Variants in RTF2 observed in about 807,000 individuals in gnomAD.
RTF2 encodes the protein replication termination factor 2.
RTF2 carries 18 observed loss-of-function variants against 38.0 expected under a neutral mutation model. The observed-to-expected ratio is 0.47, with a 90% CI of 0.33 to 0.70. The LOEUF (loss-of-function observed/expected upper bound fraction) is 0.70, where lower values mean the gene tolerates loss of function less well. RTF2 is among the 30% of genes least tolerant of loss of function. The pLI, the probability that RTF2 is intolerant of heterozygous loss-of-function variation, is 0.02. For missense variants in RTF2, 311 were observed against 379.6 expected (o/e 0.82, Z 1.50); for synonymous variants, 126 against 137.1 (o/e 0.92, Z 0.57).
At chr20:56,515,032 C>T (rs1002407866) in intron 6 of RTF2, among the ~76,000 whole-genome samples, 1 of 147,484 alleles carries the variant, frequency 6.8e-6, no homozygotes, top group Non-Finnish European at 1.5e-5. Flanking sequence ...GACAGACTCC[C>T]TCTAAAAAAA....
At chr20:56,496,952 G>C (rs1166349064) in intron 5 of RTF2, 1 of 1,551,366 alleles carries the variant, frequency 6.4e-7, no homozygotes, top group Admixed American at 2.0e-5. Context: ...TTCTGATGTA[G>C]TGTATGATTT....
At chr20:56,473,702 G>A (rs1395267373) in intron 2 of RTF2, among the ~76,000 whole-genome samples, 2 of 152,038 alleles carry the variant, frequency 1.3e-5, no homozygotes, top group East Asian at 3.9e-4. Flanking sequence ...TGGGCAATGT[G>A]GTGAAACCCC....
chr20:56,486,585 G>A (rs925984328), intron 5 of RTF2, among the ~76,000 whole-genome samples: 19 of 152,122 alleles, frequency 1.2e-4, no homozygotes, highest in African/African-American at 4.3e-4. Context: ...GGAGCTGGAG[G>A]TTACAGTGAC....
intron 3 of RTF2, among the ~76,000 whole-genome samples, chr20:56,475,696 T>A (rs1982204158): frequency 6.6e-6 from 1 of 152,194 alleles, no homozygotes; most frequent in South Asian, 2.1e-4. Context: ...ACATGTAAGA[T>A]GTGCCTCTCT....
chr20:56,479,770 G>A (rs974339760), intron 4 of RTF2, among the ~76,000 whole-genome samples: 1 of 152,006 alleles, frequency 6.6e-6, no homozygotes, highest in African/African-American at 2.4e-5. Flanking sequence ...CAGAGCTCTT[G>A]CGTGACCTAG....
In RTF2 at chr20:56,494,410, T is replaced by G. The variant is rs150162670; in HGVS notation, c.477+10221T>G. On this transcript the variant is annotated intron_variant, in intron 5 of 8. Coordinates refer to ENST00000357348, the MANE Select transcript of RTF2 (RefSeq NM_016407.5). ...TGACTTCTTATACCATGTGCACACCTGAGGGGCTCCTGTTTTCAGGAAGAA... is the reference window on the plus strand; with the variant it reads ...TGACTTCTTATACCATGTGCACACCGGAGGGGCTCCTGTTTTCAGGAAGAA... Among the ~76,000 whole-genome samples, 680 of 152,304 alleles carry G rather than the reference T, an allele frequency of 4.5e-3. 6 individuals are homozygous for G. The highest frequency in any genetic ancestry group is 0.016 in the African/African-American group (652 of 41,570).
chr20:56,473,249 A>C, intron 1 of RTF2, 52 bp from the exon 2 acceptor site: 1 of 1,285,600 alleles, frequency 7.8e-7, no homozygotes. Context: ...AGAATTGTGA[A>C]CCATGTGTCT....
At chr20:56,491,833 T>G (rs369807770) in intron 5 of RTF2, 3 of 1,386,690 alleles carry the variant, frequency 2.2e-6, no homozygotes, top group East Asian at 2.5e-5. Flanking sequence ...CTCACCCATT[T>G]TATTCACACA....
At chr20:56,497,515 C>T in intron 5 of RTF2, 2 of 1,464,918 alleles carry the variant, frequency 1.4e-6, no homozygotes, top group South Asian at 2.4e-5. Flanking sequence ...TCTTCTGATT[C>T]TGCAGGAGTT....
chr20:56,509,990 A>C (rs1054120265), intron 5 of RTF2, among the ~76,000 whole-genome samples: 1 of 133,986 alleles, frequency 7.5e-6, no homozygotes, highest in Non-Finnish European at 1.6e-5. Flanking sequence ...TCCAGTCACA[A>C]AAAAAAAAAA....
At chr20:56,504,566 G>A (rs6127774) in intron 5 of RTF2, among the ~76,000 whole-genome samples, 124,899 of 152,228 alleles carry the variant, frequency 0.82, 51,428 homozygotes, top group East Asian at 0.99. Flanking sequence ...TGTGCTCTGT[G>A]TCGCCCCCAA....
chr20:56,475,593 G>A (rs979092399), intron 3 of RTF2, among the ~76,000 whole-genome samples: 8 of 152,132 alleles, frequency 5.3e-5, no homozygotes, highest in African/African-American at 1.7e-4. Context: ...ATTTATTCCT[G>A]AAAAACCTGT....
intron 5 of RTF2, chr20:56,496,527 G>GC: frequency 8.2e-7 from 1 of 1,222,166 alleles, no homozygotes; most frequent in Non-Finnish European, 1.1e-6. Flanking sequence ...CAGCCTCGGT[G>GC]ACCGTGTGAG....
chr20:56,481,381 G>A (rs1385405339), intron 4 of RTF2, among the ~76,000 whole-genome samples: 1 of 152,192 alleles, frequency 6.6e-6, no homozygotes, highest in African/African-American at 2.4e-5. Context: ...GTCCTGTTCT[G>A]AAATGGAACA....
At chr20:56,477,752 T>C (rs1453368487) in intron 4 of RTF2, among the ~76,000 whole-genome samples, 1 of 152,162 alleles carries the variant, frequency 6.6e-6, no homozygotes, top group Non-Finnish European at 1.5e-5. Context: ...TCCTGGCCTT[T>C]AACGATCCTC....
chr20:56,509,059 A>G (rs1984465837), intron 5 of RTF2, among the ~76,000 whole-genome samples: 2 of 152,246 alleles, frequency 1.3e-5, no homozygotes, highest in African/African-American at 4.8e-5. Context: ...ATCCAGTGTA[A>G]GATATTTTGT....
intron 5 of RTF2, among the ~76,000 whole-genome samples, chr20:56,490,582 A>G (rs1983057554): frequency 6.6e-6 from 1 of 152,238 alleles, no homozygotes; most frequent in Non-Finnish European, 1.5e-5. Flanking sequence ...TGGGAGGCCA[A>G]GGCAGGCGGA....
intron 6 of RTF2, among the ~76,000 whole-genome samples, chr20:56,514,954 G>A (rs1272693635): frequency 6.6e-6 from 1 of 151,974 alleles, no homozygotes; most frequent in Non-Finnish European, 1.5e-5. Context: ...GACTGAGGCA[G>A]GGGAATCACT....
chr20:56,505,165 C>G (rs148743987), intron 5 of RTF2, among the ~76,000 whole-genome samples: 1,968 of 152,194 alleles, frequency 0.013, 55 homozygotes, highest in African/African-American at 0.045. Flanking sequence ...CTGTGCCTCT[C>G]TTCCCCTGCA....
Sources: allele counts gnomAD v4.1 joint callset (sites outside exome capture counted in the v4.1 genomes callset), GRCh38; gene constraint gnomAD v4.1.1; transcripts MANE v1.5; gene names NCBI Gene and HGNC (gene_info 2026-07-23, HGNC 2026-07-21).